ARID5B: variants seen among roughly 807,000 people sequenced by gnomAD.
ARID5B encodes the protein AT-rich interactive domain-containing protein 5B.
A neutral mutation model predicts 97.2 loss-of-function variants in ARID5B; 13 were observed. The observed-to-expected ratio is 0.13, with a 90% CI of 0.09 to 0.21. The LOEUF is 0.21. Ranked by LOEUF, ARID5B falls within the 10% of genes least tolerant of loss-of-function variation. The pLI is 1.00. For synonymous variants in ARID5B, 556 were observed against 570.3 expected (o/e 0.97, Z 0.36); for missense variants, 1,210 against 1,465.3 (o/e 0.83, Z 2.84).
At chr10:62,077,209 C>T (rs1462146505) in intron 8 of ARID5B, among the ~76,000 whole-genome samples, 3 of 152,098 alleles carry the variant, frequency 2.0e-5, no homozygotes, top group Non-Finnish European at 2.9e-5. Flanking sequence ...ACACAAGAGC[C>T]GCATAGTCTG....
chr10:61,975,722 CTG>C (rs1339023314), intron 3 of ARID5B, among the ~76,000 whole-genome samples: 1 of 152,172 alleles, frequency 6.6e-6, no homozygotes, highest in Non-Finnish European at 1.5e-5. Flanking sequence ...TACTCTTACA[CTG>C]TCTTTGGTGA....
rs773324043 is a variant in ARID5B, at chr10:62,092,634, G to C, written c.3171G>C (p.Ala1057=). 1.2e-5 allele frequency: 19 copies of C among 1,614,166 alleles called. No homozygotes were observed. The South Asian group carries it at 1.5e-4, about 13-fold the overall frequency. The change falls in exon 10 of 10, where the codon GCG becomes GCC. Residue 1057 remains alanine, a synonymous_variant. Coordinates refer to ENST00000279873, the MANE Select transcript of ARID5B (RefSeq NM_032199.3). ...AGGAGAGTGAAGGCAGCAAAGCAGC[G>C]CACGGTGGGCATTCCGGGGGCGGAT... is the stretch of plus-strand genomic sequence containing the variant. ...SEQESEGSKA[A]HGGHSGGGSE...
chr10:61,921,648 T>C (rs958486389), intron 2 of ARID5B, among the ~76,000 whole-genome samples: 1 of 152,150 alleles, frequency 6.6e-6, no homozygotes, highest in Admixed American at 6.5e-5. Context: ...TGAGGCATTA[T>C]TGTCTAGCCC....
At chr10:61,913,649 G>T (rs1324868693) in intron 2 of ARID5B, among the ~76,000 whole-genome samples, 1 of 152,184 alleles carries the variant, frequency 6.6e-6, no homozygotes, top group Non-Finnish European at 1.5e-5. Context: ...TCATTCCAGT[G>T]CCCTGTCTTA....
In ARID5B at chr10:61,909,405, C is replaced by A. The variant is rs574111815; in HGVS notation, c.276+6992C>A. Reference sequence around the variant, plus strand: ...CAGTGGCGCGATCTCGGCTCACTGCCAGCTCCGCCTCCCGGGTTCACGCCA... The same window carrying A: ...CAGTGGCGCGATCTCGGCTCACTGCAAGCTCCGCCTCCCGGGTTCACGCCA... On this transcript the variant is annotated intron_variant, in intron 2 of 9. Coordinates refer to ENST00000279873, the MANE Select transcript of ARID5B (RefSeq NM_032199.3). 3.0e-3 allele frequency among the ~76,000 whole-genome samples: 451 copies of A among 149,766 alleles called. 5 individuals are homozygous for A. Among genetic ancestry groups the A allele is most frequent in the Non-Finnish European group, 3.8e-3 (260 of 67,608 alleles).
chr10:62,037,311 T>C (rs902164899), intron 4 of ARID5B, among the ~76,000 whole-genome samples: 7 of 152,204 alleles, frequency 4.6e-5, no homozygotes, highest in African/African-American at 1.4e-4. Context: ...AAATTGCCCT[T>C]CTGTTGATTC....
intron 4 of ARID5B, among the ~76,000 whole-genome samples, chr10:62,018,347 C>A (rs753405133): frequency 7.2e-5 from 11 of 152,128 alleles, no homozygotes; most frequent in Non-Finnish European, 1.3e-4. Context: ...GAAACAGAAA[C>A]CAGTGGGAAA....
chr10:62,032,952 A>G (rs569493863), intron 4 of ARID5B, among the ~76,000 whole-genome samples: 1 of 152,294 alleles, frequency 6.6e-6, no homozygotes, highest in South Asian at 2.1e-4. Flanking sequence ...GGAATGTTCT[A>G]CTGAAAACGC....
At chr10:61,982,608 C>A (rs1838791754) in intron 3 of ARID5B, among the ~76,000 whole-genome samples, 1 of 152,180 alleles carries the variant, frequency 6.6e-6, no homozygotes, top group Admixed American at 6.5e-5. Flanking sequence ...CTCATTGACA[C>A]TTATAAAAGA....
Position 61,933,272 on chromosome 10 carries a change from C to T in ARID5B, c.277-6911C>T, listed in dbSNP as rs568813515. Among the ~76,000 whole-genome samples, 4 of 152,298 alleles carry T rather than the reference C, an allele frequency of 2.6e-5. No individual in the cohort carries two copies. In the South Asian group the frequency reaches 8.3e-4, roughly 32 times the overall value. ...AATTCTAGTTATCTTATTGTTTCCACCACCTCTGCAGTTACTTCTTCCACT... is the reference window on the plus strand; with the variant it reads ...AATTCTAGTTATCTTATTGTTTCCATCACCTCTGCAGTTACTTCTTCCACT... On this transcript the variant is annotated intron_variant, in intron 2 of 9. Transcript: ENST00000279873.
At chr10:62,007,682 G>A (rs1226946693) in intron 4 of ARID5B, among the ~76,000 whole-genome samples, 1 of 152,160 alleles carries the variant, frequency 6.6e-6, no homozygotes, top group African/African-American at 2.4e-5. Flanking sequence ...TTCTGTAGTG[G>A]TTCCTCAGAA....
chr10:62,071,026 A>G lies in ARID5B; in HGVS notation c.1199+1229A>G, dbSNP rs1186389747. Among the ~76,000 whole-genome samples, 5 of 138,902 alleles carry G rather than the reference A, an allele frequency of 3.6e-5. No individual in the cohort carries two copies. In the East Asian group the frequency reaches 1.1e-3, roughly 31 times the overall value. 91.1% of individuals were successfully genotyped at this position (138,902 alleles called of 152,430 possible). ...TGACTTATGAGTCAAGGCTTCATTC[A>G]GAACTTTTTTTTTTTTTTTTTTTTT... On this transcript the variant is annotated intron_variant, in intron 8 of 9. Coordinates refer to ENST00000279873, the MANE Select transcript of ARID5B (RefSeq NM_032199.3).
chr10:61,969,880 A>G (rs1838601652), intron 3 of ARID5B, among the ~76,000 whole-genome samples: 2 of 152,188 alleles, frequency 1.3e-5, no homozygotes, highest in South Asian at 4.1e-4. Context: ...ATTACCTGAC[A>G]AAACTCACTC....
rs1449566705 is a variant in ARID5B at position 62,092,583 on chromosome 10, C to T, written c.3120C>T (p.Val1040=). 1 of 1,614,074 alleles carries T rather than the reference C, an allele frequency of 6.2e-7. No individual in the cohort carries two copies. Among genetic ancestry groups the T allele is most frequent in the Non-Finnish European group, 8.5e-7 (1 of 1,180,034 alleles). Residue 1040 remains valine, a synonymous_variant, in exon 10 of 10, where the codon GTC becomes GTT. Coordinates refer to ENST00000279873, the MANE Select transcript of ARID5B (RefSeq NM_032199.3). ...CTCCCTTAGACCCATCCAAGGAGGT[C>T]TCTGGGAAGGAGAAGGCCTCTGAGC... is the stretch of plus-strand genomic sequence containing the variant. ...AVSPLDPSKE[V]SGKEKASEQE...
intron 3 of ARID5B, among the ~76,000 whole-genome samples, chr10:61,974,397 A>G (rs1203623034): frequency 6.6e-6 from 1 of 152,170 alleles, no homozygotes; most frequent in Non-Finnish European, 1.5e-5. Flanking sequence ...GACAGAGAGA[A>G]AGAGAGAGAG....
intron 2 of ARID5B, among the ~76,000 whole-genome samples, chr10:61,923,097 A>G (rs1844045728): frequency 6.6e-6 from 1 of 152,202 alleles, no homozygotes; most frequent in Non-Finnish European, 1.5e-5. Context: ...ATTCAAATTG[A>G]GGAGCATGCA....
At chr10:61,932,986 A>G (rs1292058517) in intron 2 of ARID5B, among the ~76,000 whole-genome samples, 2 of 152,162 alleles carry the variant, frequency 1.3e-5, no homozygotes. Flanking sequence ...GGGAGGCTGA[A>G]GTGAGAAGAT....
chr10:61,940,568 G>T (rs1589227441), intron 3 of ARID5B, among the ~76,000 whole-genome samples, 160 bp downstream of exon 3: 1 of 151,980 alleles, frequency 6.6e-6, no homozygotes, highest in African/African-American at 2.4e-5. Flanking sequence ...TGACTGGATG[G>T]GTAAGGGATG....
chr10:62,059,068 A>G (rs890521884), intron 6 of ARID5B, among the ~76,000 whole-genome samples, 175 bp from the exon 7 acceptor site: 2 of 152,208 alleles, frequency 1.3e-5, no homozygotes, highest in African/African-American at 4.8e-5. Context: ...TGGTAATAAT[A>G]GATTCTGTTG....
Sources: gnomAD v4.1 joint callset for allele counts (sites outside exome capture counted in the v4.1 genomes callset) on GRCh38, gnomAD v4.1.1 for gene constraint, MANE v1.5 for transcripts, NCBI Gene and HGNC (gene_info 2026-07-23, HGNC 2026-07-21) for gene names.